ZNF516: variants seen among roughly 807,000 people sequenced by gnomAD.
The protein encoded by ZNF516 is zinc finger protein 516.
Under a neutral mutation model 79.7 loss-of-function variants are expected in ZNF516, and 19 were observed. The ratio of observed to expected loss-of-function variants is 0.24; its 90% confidence interval spans 0.17 to 0.35. ZNF516 has a LOEUF of 0.35. ZNF516 is among the 10% of genes least tolerant of loss of function. The pLI, the probability that ZNF516 is intolerant of heterozygous loss-of-function variation, is 1.00. For missense variants in ZNF516, 1,678 were observed against 1,679.5 expected, an observed-to-expected ratio of 1.00 and a Z score of 0.02; for synonymous variants, 877 against 739.5, an observed-to-expected ratio of 1.19 and a Z score of -3.02.
chr18:76,492,211 C>T, intron 1 of ZNF516: 3 of 985,426 alleles, frequency 3.0e-6, no homozygotes, highest in Non-Finnish European at 3.6e-6. Flanking sequence ...CGGAAGACAC[C>T]GCGTCTCCAA....
chr18:76,376,810 A>C lies in ZNF516; in HGVS notation c.3259+2045T>G, dbSNP rs547299893. ...AGGCTGGAGGGCATGATTAATTAAA[A>C]CTATGAGTCCGGTGGATCAAGTGGG... On this transcript the variant is annotated intron_variant, in intron 4 of 6. Transcript: ENST00000443185. 2.6e-5 allele frequency among the ~76,000 whole-genome samples: 4 copies of C among 152,196 alleles called. No individual in the cohort carries two copies. In the South Asian group the frequency reaches 8.3e-4, roughly 32 times the overall value.
At chr18:76,401,526 G>A (rs1009035073) in intron 3 of ZNF516, among the ~76,000 whole-genome samples, 3 of 152,084 alleles carry the variant, frequency 2.0e-5, no homozygotes, top group African/African-American at 7.2e-5. Flanking sequence ...GGTCACAAGA[G>A]GCCAAGCCTA....
rs373234249 is a variant in ZNF516 at position 76,467,182 on chromosome 18, C to T, written c.-271-4041G>A. ...CCTTCTGGGTTGGCAGGAAGTCCTG[C>T]GTGTCTCTCGGAACCTGCAGCTCAC... On this transcript the variant is annotated intron_variant, in intron 1 of 6. Transcript: ENST00000443185. The surrounding 1 kb of genome is among the most constrained non-coding windows in gnomAD (Gnocchi z 4.2). 8.4e-5 allele frequency among the ~76,000 whole-genome samples: 9 copies of T among 107,068 alleles called. No homozygotes were observed. The East Asian group carries it at 1.9e-3, about 23-fold the overall frequency. The allele number at this position is 107,068 out of a possible 152,430, so 70.2% of individuals were successfully genotyped here.
intron 3 of ZNF516, among the ~76,000 whole-genome samples, chr18:76,417,021 G>C (rs562277704): frequency 2.6e-5 from 4 of 152,302 alleles, no homozygotes; most frequent in African/African-American, 9.6e-5. Flanking sequence ...AGAATACAGG[G>C]TCAGGGCGAT....
At chr18:76,470,426 T>G (rs923596914) in intron 1 of ZNF516, among the ~76,000 whole-genome samples, 4 of 152,340 alleles carry the variant, frequency 2.6e-5, no homozygotes, top group Admixed American at 2.6e-4. Flanking sequence ...AATTCCAAGC[T>G]GAAGTGATCT....
At chr18:76,496,355 T>G, upstream of ZNF516, 1 of 1,289,652 alleles carries the variant, frequency 7.8e-7, no homozygotes, top group Non-Finnish European at 1.0e-6. Context: ...ACGCCCAACG[T>G]GGCTCCGCGT....
Position 76,441,876 on chromosome 18 carries a change from C to G in ZNF516, c.1179G>C (p.Ala393=), listed in dbSNP as rs1289149215. The G allele has an allele frequency of 1.9e-6, 3 of 1,586,744 alleles. No homozygotes were observed. The highest frequency in any genetic ancestry group is 2.6e-6 in the Non-Finnish European group (3 of 1,172,440). Residue 393 remains alanine (A), a synonymous_variant, in exon 3 of 7, where the codon GCG becomes GCC. Coordinates refer to ENST00000443185, the MANE Select transcript of ZNF516 (RefSeq NM_014643.4). Reference sequence around the variant, plus strand: ...GCGTGCCAGGGCACGAGTCGCCGGCCGCCGACGGCCTCAGGTTCAGGCACT... The same window carrying G: ...GCGTGCCAGGGCACGAGTCGCCGGCGGCCGACGGCCTCAGGTTCAGGCACT... ...FLQCLNLRPS[A]AGDSCPGTQA...
At chr18:76,438,563 T>C (rs2075775203) in intron 3 of ZNF516, among the ~76,000 whole-genome samples, 1 of 152,230 alleles carries the variant, frequency 6.6e-6, no homozygotes, top group African/African-American at 2.4e-5. Context: ...ACTTCTACTA[T>C]TTTAAGTCAA....
At chr18:76,376,659 A>T (rs1219161241) in intron 4 of ZNF516, among the ~76,000 whole-genome samples, 4 of 152,038 alleles carry the variant, frequency 2.6e-5, no homozygotes, top group African/African-American at 9.7e-5. Context: ...TGACCTTAAA[A>T]CTCACTTCTA....
chr18:76,489,693 G>A (rs1176685718), intron 1 of ZNF516, among the ~76,000 whole-genome samples: 1 of 152,016 alleles, frequency 6.6e-6, no homozygotes, highest in East Asian at 1.9e-4. Context: ...ATAACAATGG[G>A]AAAACATTGG....
intron 3 of ZNF516, among the ~76,000 whole-genome samples, chr18:76,432,421 C>CA (rs1356750044): frequency 6.6e-6 from 1 of 152,272 alleles, no homozygotes; most frequent in Non-Finnish European, 1.5e-5. Flanking sequence ...CCTCTGCCTT[C>CA]AATGCCAGTG....
rs1341932611 is a variant in ZNF516, at chr18:76,491,652, G to A, written c.-272+3492C>T. 6.1e-6 allele frequency: 4 copies of A among 660,970 alleles called. No individual in the cohort carries two copies. The African/African-American group carries it at 6.3e-5, about 10-fold the overall frequency. The allele number at this position is 660,970 out of a possible 1,614,324, so 40.9% of individuals were successfully genotyped here. On this transcript the variant is annotated intron_variant, in intron 1 of 6. Transcript: ENST00000443185. ...CCACGGCCCTCCTCCTGGCAGCCCA[G>A]CAACAAGCGGCCACCGCCCCCACCC...
chr18:76,434,009 C>T (rs1048930857), intron 3 of ZNF516, among the ~76,000 whole-genome samples: 8 of 151,552 alleles, frequency 5.3e-5, no homozygotes, highest in Non-Finnish European at 8.9e-5. Flanking sequence ...CCCTCGGCAA[C>T]GCCTTACCCA....
rs1406569401 is a variant in ZNF516, at chr18:76,442,172, T to A, written c.883A>T (p.Met295Leu). 1.7e-5 allele frequency: 27 copies of A among 1,613,960 alleles called. No homozygotes were observed. The highest frequency in any genetic ancestry group is 2.3e-5 in the Non-Finnish European group (27 of 1,179,876). ...FKEPWFLKNHMKAHGPKTGSK... is the reference protein window; with the variant it reads ...FKEPWFLKNHLKAHGPKTGSK... The stretch of plus-strand genomic sequence containing the variant: ...CCCGTCTTGGGGCCGTGCGCCTTCA[T>A]GTGGTTCTTGAGGAACCAGGGCTCC... The change falls in exon 3 of 7, where the codon ATG becomes TTG. Residue 295 changes from methionine (M) to leucine (L), a missense_variant. Met to Leu is a conservative substitution (Grantham distance 15, BLOSUM62 2). Transcript: ENST00000443185.
chr18:76,492,947 A>C (rs892879179), intron 1 of ZNF516: 17 of 985,512 alleles, frequency 1.7e-5, no homozygotes, highest in Non-Finnish European at 1.9e-5. Context: ...CAGACTTCAC[A>C]GTGTGCAGAC....
intron 3 of ZNF516, among the ~76,000 whole-genome samples, chr18:76,413,741 G>A (rs935138712): frequency 1.3e-5 from 2 of 152,142 alleles, no homozygotes; most frequent in African/African-American, 4.8e-5. Context: ...CAATGTGACT[G>A]TATAAAACTA....
At chr18:76,385,979 ATCCCCATGC>A in intron 3 of ZNF516, 1 of 152,422 alleles carries the variant, frequency 6.6e-6, no homozygotes, top group East Asian at 1.9e-4. Flanking sequence ...CCTGAAACGC[ATCCCCATGC>A]TCTCTCTGCA....
chr18:76,455,204 C>T (rs1678481400), intron 2 of ZNF516, among the ~76,000 whole-genome samples: 1 of 152,160 alleles, frequency 6.6e-6, no homozygotes, highest in African/African-American at 2.4e-5. Flanking sequence ...TCAGTGACTA[C>T]ATCTGGATAG....
intron 3 of ZNF516, among the ~76,000 whole-genome samples, chr18:76,401,671 A>G (rs1038260107): frequency 1.3e-5 from 2 of 150,202 alleles, no homozygotes; most frequent in Non-Finnish European, 1.5e-5. Context: ...GTGAGCCCGG[A>G]GCACAACCGG....
Sources: gnomAD v4.1 joint callset for allele counts (sites outside exome capture counted in the v4.1 genomes callset) on GRCh38, gnomAD v4.1.1 for gene constraint, Gnocchi (gnomAD v3.1) non-coding constraint, MANE v1.5 for transcripts, NCBI Gene and HGNC (gene_info 2026-07-23, HGNC 2026-07-21) for gene names.